Variants in SPAG16 observed in about 807,000 individuals in gnomAD.
SPAG16 encodes sperm-associated antigen 16 protein.
In SPAG16, 86 loss-of-function variants were observed where a neutral mutation model predicts 80.4. That is an observed-to-expected ratio of 1.07 (90% CI 0.90 to 1.28). The LOEUF (loss-of-function observed/expected upper bound fraction) is 1.28, where lower values mean the gene tolerates loss of function less well. Among genes scored for constraint, SPAG16 ranks in the 50% most tolerant of loss-of-function variants. The pLI, the probability that SPAG16 is intolerant of heterozygous loss-of-function variation, is 0.00. For missense variants in SPAG16, 870 were observed against 765.3 expected, an observed-to-expected ratio of 1.14 and a Z score of -1.61; for synonymous variants, 294 against 265.9, an observed-to-expected ratio of 1.11 and a Z score of -1.03.
intron 9 of SPAG16, among the ~76,000 whole-genome samples, chr2:213,426,832 TACATACACAC>T (rs745639809): frequency 0.017 from 1,127 of 65,328 alleles, 22 homozygotes; most frequent in African/African-American, 0.049. Flanking sequence ...ATTATTCTGA[TACATACACAC>T]ACACACACAC....
At chr2:214,329,066 G>A (rs1343066099) in intron 15 of SPAG16, among the ~76,000 whole-genome samples, 1 of 152,154 alleles carries the variant, frequency 6.6e-6, no homozygotes, top group Non-Finnish European at 1.5e-5. Flanking sequence ...ATATCTTTGT[G>A]ACAAAAAGAA....
chr2:214,252,936 C>A (rs867059499), intron 15 of SPAG16, among the ~76,000 whole-genome samples: 42 of 152,226 alleles, frequency 2.8e-4, no homozygotes, highest in Middle Eastern at 3.4e-3. Flanking sequence ...GTTCCTATTT[C>A]TCCACTTCCT....
intron 10 of SPAG16, among the ~76,000 whole-genome samples, chr2:213,550,564 G>A (rs1251012770): frequency 7.2e-5 from 11 of 151,978 alleles, no homozygotes; most frequent in Non-Finnish European, 1.5e-4. Flanking sequence ...AATATGTCAT[G>A]GCATTCCACT....
chr2:214,227,521 T>G (rs1464155034), intron 15 of SPAG16, among the ~76,000 whole-genome samples: 1 of 151,990 alleles, frequency 6.6e-6, no homozygotes, highest in Non-Finnish European at 1.5e-5. Flanking sequence ...AAGACCCGTA[T>G]TCTGTATCCT....
At chr2:213,516,596 T>G (rs759748079) in intron 10 of SPAG16, among the ~76,000 whole-genome samples, 1 of 152,166 alleles carries the variant, frequency 6.6e-6, no homozygotes, top group Non-Finnish European at 1.5e-5. Flanking sequence ...CAGGCACTAT[T>G]TTAGGTGGTA....
chr2:213,684,371 T>C (rs745556656), intron 10 of SPAG16, among the ~76,000 whole-genome samples: 2 of 152,198 alleles, frequency 1.3e-5, no homozygotes, highest in Non-Finnish European at 2.9e-5. Flanking sequence ...TAAAATTAGA[T>C]CAGAGCATAC....
At chr2:213,726,563 G>A (rs1244480535) in intron 10 of SPAG16, among the ~76,000 whole-genome samples, 2 of 152,210 alleles carry the variant, frequency 1.3e-5, no homozygotes, top group Non-Finnish European at 2.9e-5. Context: ...TGAGCAACAT[G>A]AAGATAAATC....
rs184170714 is a variant in SPAG16, at chr2:213,293,980, C to A, written c.137-2084C>A. Reference sequence around the variant, plus strand: ...CTCTTTACAAATTTCAAGTGACACTCCATTATTATTAGCCATAGTTACTGT... The same window carrying A: ...CTCTTTACAAATTTCAAGTGACACTACATTATTATTAGCCATAGTTACTGT... On this transcript the variant is annotated intron_variant, in intron 1 of 15. Transcript: ENST00000331683. Among the ~76,000 whole-genome samples the A allele has an allele frequency of 3.3e-5, 5 of 152,264 alleles. No homozygotes were observed. The East Asian group carries it at 9.6e-4, about 29-fold the overall frequency.
At chr2:214,223,114 T>A (rs966290683) in intron 15 of SPAG16, among the ~76,000 whole-genome samples, 1 of 152,046 alleles carries the variant, frequency 6.6e-6, no homozygotes, top group East Asian at 1.9e-4. Flanking sequence ...TTAAAAGATT[T>A]CCATTATTAT....
intron 15 of SPAG16, among the ~76,000 whole-genome samples, chr2:214,333,680 C>A (rs761086112): frequency 1.3e-4 from 20 of 152,178 alleles, no homozygotes; most frequent in Non-Finnish European, 2.8e-4. Flanking sequence ...AGGTAACATA[C>A]CACTCTGCCA....
At chr2:214,095,401 T>C (rs2052523825) in intron 13 of SPAG16, among the ~76,000 whole-genome samples, 1 of 152,092 alleles carries the variant, frequency 6.6e-6, no homozygotes. Flanking sequence ...GTGTCTATCA[T>C]ACACGGTGAC....
chr2:214,102,333 A>G (rs2125378983), intron 13 of SPAG16, among the ~76,000 whole-genome samples: 1 of 151,946 alleles, frequency 6.6e-6, no homozygotes, highest in Non-Finnish European at 1.5e-5. Context: ...ATGAGGAGTG[A>G]TATGAAGGAA....
In SPAG16 at chr2:214,263,742, G is replaced by C. The variant is rs114661288; in HGVS notation, c.1720+114476G>C. Among the ~76,000 whole-genome samples, 742 of 152,228 alleles carry C rather than the reference G, an allele frequency of 4.9e-3. 6 individuals carry two copies. Among genetic ancestry groups the C allele is most frequent in the African/African-American group, 0.017 (711 of 41,548 alleles). On this transcript the variant is annotated intron_variant, in intron 15 of 15. Transcript: ENST00000331683. ...TAAATTCCCTCAGGATGACTTCTCT[G>C]AATGATTTTTAACTCCTGTAATACA...
At chr2:213,605,672 G>A (rs1458576731) in intron 10 of SPAG16, among the ~76,000 whole-genome samples, 5 of 151,944 alleles carry the variant, frequency 3.3e-5, no homozygotes, top group African/African-American at 1.2e-4. Flanking sequence ...TATGTTTTTA[G>A]CAGAGATGGG....
intron 15 of SPAG16, among the ~76,000 whole-genome samples, chr2:214,177,991 ATATATATATATATATATATATT>A (rs1266619825): frequency 0.24 from 29,095 of 123,686 alleles, 4,639 homozygotes; most frequent in Non-Finnish European, 0.32. Context: ...ATATATATAT[ATATATATATATATATATATATT>A]CATACTTTAT....
intron 15 of SPAG16, among the ~76,000 whole-genome samples, chr2:214,303,949 A>G (rs983849437): frequency 3.3e-5 from 5 of 152,108 alleles, no homozygotes; most frequent in Non-Finnish European, 5.9e-5. Flanking sequence ...AGATTATTTG[A>G]TCACTCAGGT....
At chr2:213,746,743 G>A (rs531143136) in intron 10 of SPAG16, among the ~76,000 whole-genome samples, 1 of 152,166 alleles carries the variant, frequency 6.6e-6, no homozygotes, top group Non-Finnish European at 1.5e-5. Flanking sequence ...GGAGGCAGAA[G>A]TTGCAGTGAG....
At chr2:213,367,078 G>A (rs891098512) in intron 8 of SPAG16, among the ~76,000 whole-genome samples, 1 of 152,028 alleles carries the variant, frequency 6.6e-6, no homozygotes, top group African/African-American at 2.4e-5. Flanking sequence ...GAGAACGATG[G>A]TTTCCAGTTT....
chr2:213,676,424 A>C (rs968015990), intron 10 of SPAG16, among the ~76,000 whole-genome samples: 4 of 148,664 alleles, frequency 2.7e-5, no homozygotes, highest in African/African-American at 1.0e-4. Context: ...ACTATGTTGA[A>C]TAGGAGCGGT....
Sources: allele counts gnomAD v4.1 joint callset (sites outside exome capture counted in the v4.1 genomes callset), GRCh38; gene constraint gnomAD v4.1.1; transcripts MANE v1.5; gene names NCBI Gene and HGNC (gene_info 2026-07-23, HGNC 2026-07-21).